GRIK4: variants seen among roughly 807,000 people sequenced by gnomAD.
GRIK4 encodes the protein glutamate ionotropic receptor kainate type subunit 4.
Under a neutral mutation model 104.9 loss-of-function variants are expected in GRIK4, and 40 were observed. The ratio of observed to expected loss-of-function variants is 0.38; its 90% CI spans 0.30 to 0.50. The LOEUF (loss-of-function observed/expected upper bound fraction) is 0.50, where lower values mean the gene tolerates loss of function less well. Among genes scored for constraint, GRIK4 ranks in the 20% least tolerant of loss-of-function variants. The pLI, the probability that GRIK4 is intolerant of heterozygous loss-of-function variation, is 0.93. For synonymous variants in GRIK4, 485 were observed against 524.9 expected (o/e 0.92, Z 1.04); for missense variants, 1,047 against 1,308.1 (o/e 0.80, Z 3.08).
intron 3 of GRIK4, among the ~76,000 whole-genome samples, chr11:120,763,536 G>A (rs1951785185): frequency 6.6e-6 from 1 of 152,040 alleles, no homozygotes. Context: ...TGTGATGTTA[G>A]GGTGTCAATT....
intron 8 of GRIK4, among the ~76,000 whole-genome samples, chr11:120,846,053 T>G (rs1953845308): frequency 6.6e-6 from 1 of 152,148 alleles, no homozygotes; most frequent in African/African-American, 2.4e-5. Flanking sequence ...CTGCTAACCC[T>G]CCTGTACCTA....
At chr11:120,551,056 CAG>C (rs572549274) in intron 1 of GRIK4, among the ~76,000 whole-genome samples, 202 of 152,236 alleles carry the variant, frequency 1.3e-3, no homozygotes, top group African/African-American at 4.7e-3. Flanking sequence ...TTGAGAAGGT[CAG>C]GGGCTGGGAT....
chr11:120,857,073 C>T (rs947721194), intron 8 of GRIK4, among the ~76,000 whole-genome samples: 8 of 152,148 alleles, frequency 5.3e-5, no homozygotes, highest in African/African-American at 9.7e-5. Flanking sequence ...AAGGCATGGT[C>T]GGCCCCTTGC....
chr11:120,565,967 A>G (rs1356586631), intron 1 of GRIK4, among the ~76,000 whole-genome samples: 1 of 152,158 alleles, frequency 6.6e-6, no homozygotes, highest in African/African-American at 2.4e-5. Context: ...TGGAAGGATG[A>G]TGCTATGTTT....
chr11:120,890,988 C>T (rs1424891493), intron 11 of GRIK4, among the ~76,000 whole-genome samples: 2 of 152,146 alleles, frequency 1.3e-5, no homozygotes, highest in Non-Finnish European at 2.9e-5. Context: ...GCGTGCACAC[C>T]CACAGATGCA....
chr11:120,827,706 A>C (rs1053147984), intron 6 of GRIK4, among the ~76,000 whole-genome samples: 4 of 152,258 alleles, frequency 2.6e-5, no homozygotes, highest in Non-Finnish European at 5.9e-5. Context: ...AGAATTAAAA[A>C]GTATCCTCTT....
intron 6 of GRIK4, among the ~76,000 whole-genome samples, chr11:120,829,191 C>G (rs530777110): frequency 6.6e-6 from 1 of 152,248 alleles, no homozygotes; most frequent in South Asian, 2.1e-4. Context: ...ACAGCCTGCT[C>G]AGGAGATAGC....
intron 3 of GRIK4, among the ~76,000 whole-genome samples, chr11:120,742,026 AGGTTT>A (rs1049730004): frequency 2.6e-5 from 4 of 152,082 alleles, no homozygotes; most frequent in African/African-American, 9.7e-5. Flanking sequence ...AATTAAGGAA[AGGTTT>A]GGTCAAATTT....
At chr11:120,774,145 G>A (rs1447459782) in intron 3 of GRIK4, among the ~76,000 whole-genome samples, 4 of 152,200 alleles carry the variant, frequency 2.6e-5, no homozygotes, top group African/African-American at 7.2e-5. Context: ...TTTTCATGCT[G>A]GAAGGATGCT....
At position 120,640,522 on chromosome 11, in the gene GRIK4, T is replaced by A. The variant is rs189272908; in HGVS notation, c.-158-13163T>A. 2.5e-3 allele frequency among the ~76,000 whole-genome samples: 381 copies of A among 151,424 alleles called. 3 individuals carry two copies. The highest frequency in any genetic ancestry group is 0.017 in the East Asian group (90 of 5,176). Reference sequence around the variant, plus strand: ...TTGAATTTCATGGGTTCTATTAATTTAAAAAAAAATAAGACCCCAATCCAT... The same window carrying A: ...TTGAATTTCATGGGTTCTATTAATTAAAAAAAAAATAAGACCCCAATCCAT... On this transcript the variant is annotated intron_variant, in intron 1 of 20. Transcript: ENST00000527524.
chr11:120,755,471 A>G (rs1055766368), intron 3 of GRIK4, among the ~76,000 whole-genome samples: 6 of 151,956 alleles, frequency 3.9e-5, no homozygotes, highest in Non-Finnish European at 8.8e-5. Context: ...TAAAATAGCC[A>G]GTCATGGCAG....
intron 12 of GRIK4, among the ~76,000 whole-genome samples, chr11:120,901,307 T>TGCTCGCTGCATCCTGCC (rs10530287): frequency 3.3e-4 from 50 of 151,688 alleles, no homozygotes; most frequent in African/African-American, 1.2e-3. Flanking sequence ...GCTCAAGACC[T>TGCTCGCTGCATCCTGCC]GCTCGCTGCA....
At chr11:120,651,254 T>G (rs1164909019) in intron 1 of GRIK4, among the ~76,000 whole-genome samples, 3 of 152,210 alleles carry the variant, frequency 2.0e-5, no homozygotes, top group Non-Finnish European at 2.9e-5. Context: ...TGCATTATAC[T>G]TGAGGTCTCT....
In GRIK4 at chr11:120,627,573, G is replaced by A. The variant is rs568880684; in HGVS notation, c.-158-26112G>A. Among the ~76,000 whole-genome samples, 148 of 152,340 alleles carry A rather than the reference G, an allele frequency of 9.7e-4. 6 individuals carry two copies. In the South Asian group the frequency reaches 0.03, roughly 31 times the overall value. The stretch of plus-strand genomic sequence containing the variant: ...CCAGGCTGGGAGGTGGAATGAGCCC[G>A]GCAGTTCCTGGAGACAGTGGTTTCC... On this transcript the variant is annotated intron_variant, in intron 1 of 20. Transcript: ENST00000527524.
At chr11:120,922,481 A>G (rs1943245934) in intron 13 of GRIK4, among the ~76,000 whole-genome samples, 1 of 152,162 alleles carries the variant, frequency 6.6e-6, no homozygotes, top group Non-Finnish European at 1.5e-5. Context: ...TCCTGCTTCA[A>G]AGAATTCCAA....
intron 3 of GRIK4, among the ~76,000 whole-genome samples, chr11:120,713,487 T>TG (rs1206193909): frequency 6.6e-6 from 1 of 151,754 alleles, no homozygotes; most frequent in East Asian, 1.9e-4. Context: ...GTCATTGTCA[T>TG]GTTGTAATTG....
At chr11:120,886,022 G>C (rs1228834565) in intron 11 of GRIK4, among the ~76,000 whole-genome samples, 1 of 152,202 alleles carries the variant, frequency 6.6e-6, no homozygotes, top group African/African-American at 2.4e-5. Flanking sequence ...AGTCTGGGCA[G>C]GTCTTGGCAC....
chr11:120,607,007 A>G (rs775675866), intron 1 of GRIK4, among the ~76,000 whole-genome samples: 12 of 152,162 alleles, frequency 7.9e-5, no homozygotes, highest in Non-Finnish European at 1.2e-4. Flanking sequence ...AGAAGCCACA[A>G]AGGTGATGGA....
chr11:120,870,380 G>A (rs1301622763), intron 9 of GRIK4: 1 of 152,236 alleles, frequency 6.6e-6, no homozygotes, highest in Non-Finnish European at 1.5e-5. Context: ...CTTTCCAGGA[G>A]GCAAACTGGG....
Sources: allele counts gnomAD v4.1 joint callset (sites outside exome capture counted in the v4.1 genomes callset), GRCh38; gene constraint gnomAD v4.1.1; transcripts MANE v1.5; gene names NCBI Gene and HGNC (gene_info 2026-07-23, HGNC 2026-07-21).